AQR: variants seen among roughly 807,000 people sequenced by gnomAD.
AQR encodes RNA helicase aquarius.
Under a neutral mutation model 180.5 loss-of-function variants are expected in AQR, and 61 were observed. That is an observed-to-expected ratio of 0.34 (90% CI 0.28 to 0.42). AQR has a LOEUF of 0.42. Ranked by LOEUF, AQR falls within the 10% of genes least tolerant of loss-of-function variation. The probability of loss-of-function intolerance (pLI) is 1.00; values close to 1 mark genes in which losing one functional copy is unlikely to be tolerated. For synonymous variants in AQR, 551 were observed against 588.8 expected, an observed-to-expected ratio of 0.94 and a Z score of 0.93; for missense variants, 1,281 against 1,798.3, an observed-to-expected ratio of 0.71 and a Z score of 5.20.
Position 34,852,917 on chromosome 15 carries a change from G to A in AQR, c.*3875C>T, listed in dbSNP as rs893510937. 6 of 152,322 alleles carry A rather than the reference G, an allele frequency of 3.9e-5. No homozygotes were observed. Among genetic ancestry groups the A allele is most frequent in the African/African-American group, 1.4e-4 (6 of 41,580 alleles). The allele number at this position is 152,322 out of a possible 1,614,324, so 9.4% of individuals were successfully genotyped here. A position where few individuals can be genotyped will look rare whatever the true frequency, so the allele number is the denominator to read the frequency against. ...AATAAAGCTGGCACACTGTCAGTCC[G>A]GAGTACCATGCTGCATTCTGAGTCA... On this transcript the variant is annotated 3_prime_UTR_variant, in exon 35 of 35. Coordinates refer to ENST00000156471, the MANE Select transcript of AQR (RefSeq NM_014691.3).
chr15:34,918,751 C>G (rs1293648945), intron 14 of AQR, among the ~76,000 whole-genome samples: 2 of 152,170 alleles, frequency 1.3e-5, no homozygotes, highest in Non-Finnish European at 2.9e-5. Context: ...GTTTAAAAAC[C>G]ATGACACTTA....
chr15:34,904,153 T>G (rs1390122875), intron 19 of AQR, among the ~76,000 whole-genome samples, 183 bp downstream of exon 19: 1 of 152,132 alleles, frequency 6.6e-6, no homozygotes, highest in Non-Finnish European at 1.5e-5. Flanking sequence ...AGAAATCAAT[T>G]TCTTTAAATT....
At chr15:34,939,058 G>A (rs879638914) in intron 8 of AQR, among the ~76,000 whole-genome samples, 2 of 151,952 alleles carry the variant, frequency 1.3e-5, no homozygotes, top group African/African-American at 2.4e-5. Flanking sequence ...CACCGTGAAC[G>A]TTTTCTTTTT....
intron 21 of AQR, 48 bp from the exon 22 acceptor site, chr15:34,897,014 G>C: frequency 6.9e-7 from 1 of 1,442,378 alleles, no homozygotes; most frequent in Non-Finnish European, 9.7e-7. Context: ...ATGATGCTTT[G>C]TATAATACAA....
chr15:34,874,577 C>T, intron 29 of AQR, 100 bp downstream of exon 29: 4 of 1,423,166 alleles, frequency 2.8e-6, no homozygotes, highest in Non-Finnish European at 3.8e-6. Context: ...TCCTGGATAG[C>T]CAAGAATGCT....
intron 10 of AQR, among the ~76,000 whole-genome samples, chr15:34,933,340 C>T (rs1181435883): frequency 1.3e-5 from 2 of 152,262 alleles, no homozygotes; most frequent in African/African-American, 4.8e-5. Context: ...AGACAAGGAA[C>T]AGATTTTCTT....
At position 34,944,355 on chromosome 15, in the gene AQR, T is replaced by C; in HGVS notation, c.404A>G (p.Asp135Gly). The change falls in exon 6 of 35, where the codon GAT becomes GGT. Residue 135 changes from aspartate (D) to glycine (G), a missense_variant. By Grantham distance (94) the Asp-to-Gly change is moderately conservative. This residue lies in a region of AQR where 404 missense variants were observed against 490.9 expected (regional missense o/e 0.82). Transcript: ENST00000156471. Reference protein sequence around the residue: ...HILKAALAETDGEFSLHEQTV... With the variant: ...HILKAALAETGGEFSLHEQTV... ...CTGTTCATGAAGTGAAAATTCACCA[T>C]CAGTTTCAGCTAATGCCGCCTTCAA... 1 of 1,611,430 alleles carries C rather than the reference T, an allele frequency of 6.2e-7. No homozygotes were observed. Among genetic ancestry groups the C allele is most frequent in the Non-Finnish European group, 8.5e-7 (1 of 1,178,872 alleles).
At chr15:34,934,388 TGAGA>T (rs968143422) in intron 10 of AQR, among the ~76,000 whole-genome samples, 179 bp downstream of exon 10, 1 of 148,576 alleles carries the variant, frequency 6.7e-6, no homozygotes, top group African/African-American at 2.4e-5. Flanking sequence ...TTTTAATTAA[TGAGA>T]GAAAGGAAAT....
In AQR at chr15:34,873,927, A is replaced by G; in HGVS notation, c.3498T>C (p.Phe1166=). The G allele has an allele frequency of 1.2e-6, 2 of 1,612,788 alleles. No individual in the cohort carries two copies. The highest frequency in any genetic ancestry group is 1.7e-6 in the Non-Finnish European group (2 of 1,179,238). The change falls in exon 30 of 35, where the codon TTT becomes TTC. Residue 1166 remains phenylalanine, a synonymous_variant. Coordinates refer to ENST00000156471, the MANE Select transcript of AQR (RefSeq NM_014691.3). ...ACAGTAAGCCAGCATTTGCTGTACT[A>G]AACTCTGGCAAGAGCTGCACATGGG... ...NLPHVQLLPE[F]STANAGLLYD...
intron 25 of AQR, among the ~76,000 whole-genome samples, 195 bp downstream of exon 25, chr15:34,886,331 C>T (rs1231835422): frequency 6.6e-6 from 1 of 152,082 alleles, no homozygotes; most frequent in Non-Finnish European, 1.5e-5. Context: ...AGTCATCAAG[C>T]AAAGTTATTT....
chr15:34,862,826 C>A (rs756566442), intron 33 of AQR, 41 bp downstream of exon 33: 3 of 1,601,662 alleles, frequency 1.9e-6, no homozygotes, highest in Non-Finnish European at 1.7e-6. Flanking sequence ...AATTTCCACT[C>A]TGAGGAATGC....
chr15:34,910,031 A>G (rs1355956392), intron 17 of AQR, 104 bp downstream of exon 17: 1 of 1,323,478 alleles, frequency 7.6e-7, no homozygotes, highest in Non-Finnish European at 1.0e-6. Context: ...ACGCTTAATA[A>G]AAGCTTTAAA....
At chr15:34,878,690 C>T (rs1241651550) in intron 27 of AQR, among the ~76,000 whole-genome samples, 1 of 151,872 alleles carries the variant, frequency 6.6e-6, no homozygotes, top group Admixed American at 6.6e-5. Flanking sequence ...ATTAATAATC[C>T]CTGAAAACAG....
chr15:34,899,249 A>G (rs1893294980), intron 20 of AQR, among the ~76,000 whole-genome samples: 1 of 152,168 alleles, frequency 6.6e-6, no homozygotes, highest in Admixed American at 6.5e-5. Flanking sequence ...TGGGAGTAAA[A>G]AGATTCAAAA....
intron 32 of AQR, among the ~76,000 whole-genome samples, chr15:34,865,049 C>CA (rs148593916): frequency 0.02 from 3,081 of 151,284 alleles, 108 homozygotes; most frequent in African/African-American, 0.071. Context: ...AACTACCAGG[C>CA]AAAAAAAACA....
At position 34,863,274 on chromosome 15, in the gene AQR, TA is replaced by T. The variant is rs567088831; in HGVS notation, c.3855-234del. The T allele has an allele frequency of 4.9e-4, 206 of 421,942 alleles. 1 individual carries two copies. Among genetic ancestry groups the T allele is most frequent in the African/African-American group, 3.9e-3 (195 of 50,494 alleles). 26.1% of individuals were successfully genotyped at this position (421,942 alleles called of 1,614,324 possible). A position where few individuals can be genotyped will look rare whatever the true frequency, so the allele number is the denominator to read the frequency against. ...TTTTTTGAAGGGGAGGATCACAAAA[TA>T]ACCAATGCACTTATTAAAAAGGTCT... On this transcript the variant is annotated intron_variant, in intron 32 of 34. Coordinates refer to ENST00000156471, the MANE Select transcript of AQR (RefSeq NM_014691.3).
At chr15:34,950,017 C>T (rs948266090) in intron 4 of AQR, among the ~76,000 whole-genome samples, 32 of 149,316 alleles carry the variant, frequency 2.1e-4, no homozygotes, top group African/African-American at 7.6e-4. Context: ...TAAGCCTTCT[C>T]ATTCTAGCCT....
At chr15:34,897,854 T>C in intron 20 of AQR, 149 bp from the exon 21 acceptor site, 1 of 883,758 alleles carries the variant, frequency 1.1e-6, no homozygotes. Context: ...ACTCTGAAAA[T>C]GGTCGAGTTA....
Position 34,899,150 on chromosome 15 carries a change from C to T in AQR, c.2244-1445G>A, listed in dbSNP as rs188698015. On this transcript the variant is annotated intron_variant, in intron 20 of 34. Coordinates refer to ENST00000156471, the MANE Select transcript of AQR (RefSeq NM_014691.3). ...GCGCGCCACTGCACTCCAGCCTGGG[C>T]GACAGAGCAAGACTCCATCTCAAAA... Among the ~76,000 whole-genome samples the T allele has an allele frequency of 3.5e-3, 524 of 151,334 alleles. 1 individual carries two copies. The highest frequency in any genetic ancestry group is 5.2e-3 in the Non-Finnish European group (356 of 67,856).
Sources: allele counts gnomAD v4.1 joint callset (sites outside exome capture counted in the v4.1 genomes callset), GRCh38; gene constraint gnomAD v4.1.1; regional missense constraint gnomAD v4.1.1; transcripts MANE v1.5; gene names NCBI Gene and HGNC (gene_info 2026-07-23, HGNC 2026-07-21).